The following TRPM3 variants were observed in gnomAD, a reference collection of about 807,000 sequenced individuals.
TRPM3 encodes long transient receptor potential channel 3.
In TRPM3, 77 loss-of-function variants were observed where a neutral mutation model predicts 181.2. The observed-to-expected ratio is 0.42, with a 90% confidence interval of 0.35 to 0.51. The LOEUF is 0.51. Ranked by LOEUF, TRPM3 falls within the 20% of genes least tolerant of loss-of-function variation. The pLI, the probability that TRPM3 is intolerant of heterozygous loss-of-function variation, is 0.01. For synonymous variants in TRPM3, 745 were observed against 796.4 expected (o/e 0.94, Z 1.09); for missense variants, 1,759 against 2,196.7 (o/e 0.80, Z 3.98).
At chr9:71,405,197 G>A (rs969288376) in intron 1 of TRPM3, among the ~76,000 whole-genome samples, 1 of 152,018 alleles carries the variant, frequency 6.6e-6, no homozygotes, top group African/African-American at 2.4e-5. Context: ...TGTCTTCATC[G>A]AGTGTAACAT....
intron 6 of TRPM3, among the ~76,000 whole-genome samples, chr9:70,794,725 A>C (rs1030506168): frequency 4.6e-5 from 7 of 152,128 alleles, no homozygotes; most frequent in Admixed American, 2.6e-4. Context: ...ATTCACTCTC[A>C]GCATGTGCTG....
chr9:70,626,461 T>C (rs1276555696), intron 12 of TRPM3, among the ~76,000 whole-genome samples: 2 of 152,194 alleles, frequency 1.3e-5, no homozygotes, highest in East Asian at 3.9e-4. Flanking sequence ...CCCAGGATGC[T>C]GTGTGAGATT....
At chr9:71,109,822 T>A (rs1000616037) in intron 1 of TRPM3, among the ~76,000 whole-genome samples, 2 of 152,194 alleles carry the variant, frequency 1.3e-5, no homozygotes, top group Admixed American at 1.3e-4. Flanking sequence ...TGGGCCAGAA[T>A]CTTTTTACCT....
chr9:71,395,528 C>G (rs1472371529), intron 1 of TRPM3, among the ~76,000 whole-genome samples: 2 of 152,192 alleles, frequency 1.3e-5, no homozygotes, highest in Non-Finnish European at 1.5e-5. Flanking sequence ...GAAGAGTTAA[C>G]TTTAACTTCA....
chr9:71,245,814 A>G (rs1588118946), intron 1 of TRPM3, among the ~76,000 whole-genome samples: 1 of 152,188 alleles, frequency 6.6e-6, no homozygotes, highest in African/African-American at 2.4e-5. Context: ...AAAGCTCAGG[A>G]GACAGGAACA....
intron 1 of TRPM3, among the ~76,000 whole-genome samples, chr9:71,019,073 C>T (rs1490468336): frequency 6.6e-6 from 1 of 151,730 alleles, no homozygotes; most frequent in African/African-American, 2.4e-5. Flanking sequence ...TGCATATAAA[C>T]AACTAAGAAT....
chr9:70,602,923 G>A (rs996983122), intron 20 of TRPM3, among the ~76,000 whole-genome samples: 1 of 152,308 alleles, frequency 6.6e-6, no homozygotes, highest in Non-Finnish European at 1.5e-5. Context: ...CAATCAGTGA[G>A]TGAAAGCAGA....
chr9:70,576,501 C>CCTT (rs1339901220), intron 22 of TRPM3, among the ~76,000 whole-genome samples: 4 of 145,414 alleles, frequency 2.8e-5, no homozygotes, highest in Admixed American at 1.4e-4. Flanking sequence ...TCCTCCTCCT[C>CCTT]CTTCTTCTTT....
At chr9:70,953,870 T>C (rs1398028197) in intron 1 of TRPM3, among the ~76,000 whole-genome samples, 1 of 152,166 alleles carries the variant, frequency 6.6e-6, no homozygotes, top group Admixed American at 6.6e-5. Context: ...GACCTCACCA[T>C]GCACAGGCTG....
intron 1 of TRPM3, among the ~76,000 whole-genome samples, chr9:71,413,618 AAC>A (rs1463195615): frequency 6.6e-6 from 1 of 152,068 alleles, no homozygotes; most frequent in Non-Finnish European, 1.5e-5. Flanking sequence ...TTCCCACTGC[AAC>A]AGTGTTGGGA....
At chr9:70,743,553 G>T (rs964945653) in intron 8 of TRPM3, among the ~76,000 whole-genome samples, 2 of 152,060 alleles carry the variant, frequency 1.3e-5, no homozygotes, top group Non-Finnish European at 2.9e-5. Context: ...GTGGGTTTCC[G>T]ATTGGGTGGG....
At chr9:71,079,662 G>A (rs1031496478) in intron 1 of TRPM3, among the ~76,000 whole-genome samples, 1 of 152,164 alleles carries the variant, frequency 6.6e-6, no homozygotes, top group Admixed American at 6.5e-5. Context: ...GTAGTGCTTG[G>A]TTGTGCAAAT....
intron 14 of TRPM3, among the ~76,000 whole-genome samples, chr9:70,623,918 G>A (rs917330240): frequency 6.6e-6 from 1 of 152,088 alleles, no homozygotes; most frequent in Non-Finnish European, 1.5e-5. Flanking sequence ...TTGGCAGATG[G>A]ACTAAGGTTA....
At chr9:70,619,229 G>A (rs764482108) in intron 16 of TRPM3, 134 bp from the exon 17 acceptor site, 11 of 691,820 alleles carry the variant, frequency 1.6e-5, no homozygotes, top group Non-Finnish European at 2.7e-5. Flanking sequence ...TAGTCTGTTT[G>A]TAAATTCATC....
chr9:70,684,588 G>A (rs1444291052), intron 8 of TRPM3, among the ~76,000 whole-genome samples: 1 of 150,982 alleles, frequency 6.6e-6, no homozygotes, highest in Non-Finnish European at 1.5e-5. Flanking sequence ...TTTCATATCT[G>A]CTTCAGAAAA....
At chr9:70,936,620 G>C (rs966410146) in intron 1 of TRPM3, among the ~76,000 whole-genome samples, 25 of 152,162 alleles carry the variant, frequency 1.6e-4, no homozygotes, top group Non-Finnish European at 2.4e-4. Context: ...ATATGGTTCA[G>C]AGAAACTGAA....
At chr9:71,330,820 C>G (rs2090056951) in intron 1 of TRPM3, among the ~76,000 whole-genome samples, 1 of 151,756 alleles carries the variant, frequency 6.6e-6, no homozygotes, top group South Asian at 2.1e-4. Context: ...GCAGAACCTA[C>G]TAAAACTCCT....
chr9:70,852,594 C>T (rs544889791), intron 3 of TRPM3, among the ~76,000 whole-genome samples: 228 of 152,262 alleles, frequency 1.5e-3, no homozygotes, highest in African/African-American at 5.2e-3. Flanking sequence ...ATTTGAATTA[C>T]AGCAACAGCC....
intron 8 of TRPM3, among the ~76,000 whole-genome samples, chr9:70,699,245 G>C (rs549136976): frequency 5.9e-5 from 9 of 152,274 alleles, no homozygotes; most frequent in African/African-American, 2.2e-4. Flanking sequence ...GAATTTAAGG[G>C]CTAAGGAGAC....
Sources: allele counts gnomAD v4.1 joint callset (sites outside exome capture counted in the v4.1 genomes callset), GRCh38; gene constraint gnomAD v4.1.1; transcripts MANE v1.5; gene names NCBI Gene and HGNC (gene_info 2026-07-23, HGNC 2026-07-21).